Variants in TBC1D12 observed in about 807,000 individuals in gnomAD.
TBC1D12 encodes TBC1 domain family, member 12.
In TBC1D12, 56 loss-of-function variants were observed where a neutral mutation model predicts 86.7. The observed-to-expected ratio is 0.65, with a 90% CI of 0.52 to 0.81. The LOEUF (loss-of-function observed/expected upper bound fraction) is 0.81, where lower values mean the gene tolerates loss of function less well. Ranked by LOEUF, TBC1D12 falls within the 30% of genes least tolerant of loss-of-function variation. TBC1D12 has a pLI of 0.00. For missense variants in TBC1D12, 1,023 were observed against 1,038.8 expected, an observed-to-expected ratio of 0.98 and a Z score of 0.21; for synonymous variants, 421 against 411.7, an observed-to-expected ratio of 1.02 and a Z score of -0.27.
chr10:94,427,021 T>C (rs1331986465), intron 1 of TBC1D12, among the ~76,000 whole-genome samples: 1 of 152,210 alleles, frequency 6.6e-6, no homozygotes, highest in African/African-American at 2.4e-5. Context: ...TTTTAGAACA[T>C]TTCTGTCATC....
intron 11 of TBC1D12, among the ~76,000 whole-genome samples, chr10:94,523,373 G>A (rs572660740): frequency 1.3e-5 from 2 of 152,076 alleles, no homozygotes; most frequent in Admixed American, 6.5e-5. Flanking sequence ...AGCTCTCAGA[G>A]TTAGTTGCTA....
At chr10:94,511,951 A>G (rs2056533387) in intron 9 of TBC1D12, among the ~76,000 whole-genome samples, 1 of 152,076 alleles carries the variant, frequency 6.6e-6, no homozygotes, top group South Asian at 2.1e-4. Context: ...CCTCTTTTCC[A>G]TGACTGTGCC....
At chr10:94,513,501 A>G (rs1183472443) in intron 9 of TBC1D12, among the ~76,000 whole-genome samples, 2 of 152,120 alleles carry the variant, frequency 1.3e-5, no homozygotes, top group African/African-American at 4.8e-5. Context: ...ATATATTAAC[A>G]AGCTCTTCAT....
intron 11 of TBC1D12, among the ~76,000 whole-genome samples, chr10:94,525,379 A>T (rs1842261319): frequency 6.6e-6 from 1 of 152,050 alleles, no homozygotes; most frequent in South Asian, 2.1e-4. Context: ...TGGGAAGCCG[A>T]GGTGGGCAAA....
In TBC1D12 at chr10:94,417,867, C is replaced by T. The variant is rs553439670; in HGVS notation, c.971+14283C>T. 5.7e-5 allele frequency among the ~76,000 whole-genome samples: 7 copies of T among 123,146 alleles called. No individual in the cohort carries two copies. In the South Asian group the frequency reaches 9.3e-4, roughly 16 times the overall value. 80.8% of individuals were successfully genotyped at this position (123,146 alleles called of 152,430 possible). The stretch of plus-strand genomic sequence containing the variant: ...GGGTTCACGCCATTCTCCTGCCTCA[C>T]GCCTCCCGAGTAGCTGGACTACAGG... On this transcript the variant is annotated intron_variant, in intron 1 of 12. Transcript: ENST00000225235.
chr10:94,506,357 A>G (rs944326681), intron 6 of TBC1D12, among the ~76,000 whole-genome samples: 3 of 152,210 alleles, frequency 2.0e-5, no homozygotes, highest in Admixed American at 2.0e-4. Context: ...GAAATTTTTT[A>G]AAACCATGTT....
intron 1 of TBC1D12, among the ~76,000 whole-genome samples, chr10:94,410,414 C>G (rs1022471378): frequency 6.6e-6 from 1 of 151,562 alleles, no homozygotes; most frequent in Non-Finnish European, 1.5e-5. Flanking sequence ...TTTTTCTTTT[C>G]TTTTGTTTCA....
intron 4 of TBC1D12, among the ~76,000 whole-genome samples, chr10:94,496,828 C>G (rs1426744128): frequency 6.6e-6 from 1 of 152,112 alleles, no homozygotes; most frequent in Non-Finnish European, 1.5e-5. Flanking sequence ...CGAGACCCAT[C>G]TCTAAAAAAA....
chr10:94,415,364 C>T (rs2054985204), intron 1 of TBC1D12, among the ~76,000 whole-genome samples: 1 of 152,128 alleles, frequency 6.6e-6, no homozygotes, highest in East Asian at 1.9e-4. Context: ...GATTGGTAAT[C>T]CTTGAATGTT....
intron 5 of TBC1D12, among the ~76,000 whole-genome samples, chr10:94,498,127 G>T (rs2056348875): frequency 1.3e-5 from 2 of 152,008 alleles, no homozygotes; most frequent in African/African-American, 4.8e-5. Flanking sequence ...CCTAGTTACT[G>T]TATTTTCTTA....
intron 1 of TBC1D12, among the ~76,000 whole-genome samples, chr10:94,426,177 G>A (rs925295508): frequency 7.2e-5 from 11 of 152,030 alleles, no homozygotes; most frequent in African/African-American, 2.4e-4. Context: ...GCATTGGCTA[G>A]GGCTTTCAGT....
chr10:94,428,419 C>T (rs1261128651), intron 1 of TBC1D12, among the ~76,000 whole-genome samples: 1 of 150,832 alleles, frequency 6.6e-6, no homozygotes, highest in Non-Finnish European at 1.5e-5. Context: ...TCTCGAGTAA[C>T]TGGGACTATA....
intron 3 of TBC1D12, among the ~76,000 whole-genome samples, chr10:94,476,681 GTTAA>G (rs1230361286): frequency 2.0e-5 from 3 of 152,268 alleles, no homozygotes; most frequent in Admixed American, 2.0e-4. Flanking sequence ...TACCGGGAAT[GTTAA>G]TTTCTTCCCA....
intron 9 of TBC1D12, among the ~76,000 whole-genome samples, chr10:94,518,974 T>C (rs1842073112): frequency 6.6e-6 from 1 of 152,062 alleles, no homozygotes; most frequent in Admixed American, 6.6e-5. Flanking sequence ...GTTCGGGAGG[T>C]TGAGGCAGGA....
In TBC1D12 at chr10:94,474,520, A is replaced by AT. The variant is rs1382151264; in HGVS notation, c.1096-142dup. 4.9e-6 allele frequency: 3 copies of AT among 617,240 alleles called. No homozygotes were observed. In the East Asian group the frequency reaches 9.2e-5, roughly 19 times the overall value. 38.2% of individuals were successfully genotyped at this position (617,240 alleles called of 1,614,324 possible). A position where few individuals can be genotyped will look rare whatever the true frequency, so the allele number is the denominator to read the frequency against. On this transcript the variant is annotated intron_variant, in intron 2 of 12. Coordinates refer to ENST00000225235, the MANE Select transcript of TBC1D12 (RefSeq NM_015188.2). The stretch of plus-strand genomic sequence containing the variant: ...CTCCACCTCCAAAAAAAAAACTTTT[A>AT]TTTTTTGTCTGCTTGATATTTTTAC...
chr10:94,511,608 A>T lies in TBC1D12; in HGVS notation c.1715A>T (p.His572Leu), dbSNP rs2056529138. 5 of 1,612,978 alleles carry T rather than the reference A, an allele frequency of 3.1e-6. No homozygotes were observed. In the East Asian group the frequency reaches 1.1e-4, roughly 36 times the overall value. Residue 572 changes from histidine (H) to leucine (L), a missense_variant, in exon 9 of 13, where the codon CAT becomes CTT. Coordinates refer to ENST00000225235, the MANE Select transcript of TBC1D12 (RefSeq NM_015188.2). ...GGTGGTCCATATCATGATGTCTTGC[A>T]TAGTATTTTAGGGGCATACACATGC... ...QKGGPYHDVL[H>L]SILGAYTCYR...
At chr10:94,422,185 GTTTTTT>G (rs57798611) in intron 1 of TBC1D12, among the ~76,000 whole-genome samples, 1 of 106,818 alleles carries the variant, frequency 9.4e-6, no homozygotes. Context: ...GGTTCATGTA[GTTTTTT>G]TTTTTTTTTT....
At chr10:94,421,355 G>T (rs868388137) in intron 1 of TBC1D12, among the ~76,000 whole-genome samples, 1 of 152,330 alleles carries the variant, frequency 6.6e-6, no homozygotes. Context: ...ACAAATGACA[G>T]AATTTCCTAA....
chr10:94,502,399 T>C (rs997340095), intron 6 of TBC1D12, among the ~76,000 whole-genome samples: 15 of 150,786 alleles, frequency 9.9e-5, no homozygotes, highest in Non-Finnish European at 2.1e-4. Context: ...TAATATCAAA[T>C]AGAGGAAAGT....
Sources: allele counts gnomAD v4.1 joint callset (sites outside exome capture counted in the v4.1 genomes callset), GRCh38; gene constraint gnomAD v4.1.1; transcripts MANE v1.5; gene names NCBI Gene and HGNC (gene_info 2026-07-23, HGNC 2026-07-21).